HTT: variants seen among roughly 807,000 people sequenced by gnomAD.
The protein encoded by HTT is huntingtin.
HTT carries 104 observed loss-of-function variants against 362.3 expected under a neutral mutation model. The ratio of observed to expected loss-of-function variants is 0.29; its 90% confidence interval spans 0.24 to 0.34. The LOEUF is 0.34. Ranked by LOEUF, HTT falls within the 10% of genes least tolerant of loss-of-function variation. The probability of loss-of-function intolerance (pLI) is 1.00; values close to 1 mark genes in which losing one functional copy is unlikely to be tolerated. For missense variants in HTT, 3,301 were observed against 3,928.6 expected (o/e 0.84, Z 4.27); for synonymous variants, 1,577 against 1,548.7 (o/e 1.02, Z -0.43).
intron 36 of HTT, among the ~76,000 whole-genome samples, 161 bp from the exon 37 acceptor site, chr4:3,182,193 A>G (rs1441055559): frequency 6.6e-6 from 1 of 152,174 alleles, no homozygotes; most frequent in African/African-American, 2.4e-5. Context: ...CTCATGTCAT[A>G]GAGTGGGGGT....
At chr4:3,142,620 C>G (rs1472876276) in intron 22 of HTT, 146 bp from the exon 23 acceptor site, 1 of 488,260 alleles carries the variant, frequency 2.0e-6, no homozygotes, top group Non-Finnish European at 3.7e-6. Flanking sequence ...GAATAATGAT[C>G]AAAATTTATT....
Position 3,140,133 on chromosome 4 carries a change from C to T in HTT, c.2799-377C>T, listed in dbSNP as rs548703091. Among the ~76,000 whole-genome samples the T allele has an allele frequency of 5.3e-5, 8 of 152,014 alleles. No homozygotes were observed. In the East Asian group the frequency reaches 5.8e-4, roughly 11 times the overall value. On this transcript the variant is annotated intron_variant, in intron 21 of 66. Transcript: ENST00000355072. ...AAAATTAGCCGGGCGCGGTGGCAGG[C>T]GCCTGTAATCCCAGCTACTCAGGAG... is the stretch of plus-strand genomic sequence containing the variant.
chr4:3,087,323 T>G lies in HTT; in HGVS notation c.347+301T>G, dbSNP rs557778850. Among the ~76,000 whole-genome samples the G allele has an allele frequency of 6.6e-5, 10 of 152,354 alleles. No homozygotes were observed. The South Asian group carries it at 2.1e-3, about 32-fold the overall frequency. On this transcript the variant is annotated intron_variant, in intron 2 of 66. Transcript: ENST00000355072. ...TAGTTATTTTAAAACCATCTATGGT[T>G]TGATATTTTTGCATTTGTTGCAATA...
intron 29 of HTT, among the ~76,000 whole-genome samples, chr4:3,170,077 T>C (rs1383397885): frequency 6.6e-6 from 1 of 152,234 alleles, no homozygotes; most frequent in Non-Finnish European, 1.5e-5. Flanking sequence ...CTCCTCGTTT[T>C]GGGTTGTATT....
chr4:3,075,140 C>G, intron 1 of HTT, 52 bp downstream of exon 1: 1 of 1,203,100 alleles, frequency 8.3e-7, no homozygotes, highest in East Asian at 3.5e-5. Context: ...CAGGCTACGG[C>G]GGGGATGGCG....
chr4:3,157,434 C>G (rs1386578180), intron 28 of HTT, among the ~76,000 whole-genome samples: 1 of 152,176 alleles, frequency 6.6e-6, no homozygotes, highest in Non-Finnish European at 1.5e-5. Flanking sequence ...AGTGACAGAG[C>G]TAGGATGTGC....
chr4:3,209,623 T>C (rs1337393637), intron 46 of HTT, among the ~76,000 whole-genome samples: 1 of 152,120 alleles, frequency 6.6e-6, no homozygotes, highest in Non-Finnish European at 1.5e-5. Flanking sequence ...AGGGGGAGGC[T>C]GTGAGGGTGC....
intron 21 of HTT, among the ~76,000 whole-genome samples, chr4:3,137,506 C>G (rs942580395): frequency 6.6e-6 from 1 of 152,082 alleles, no homozygotes; most frequent in African/African-American, 2.4e-5. Flanking sequence ...CGAGACCAGC[C>G]TGGCCAACAT....
At position 3,115,323 on chromosome 4, in the gene HTT, T is replaced by C. The variant is rs1936033; in HGVS notation, c.767T>C (p.Ile256Thr). Residue 256 changes from isoleucine (I) to threonine (T), a missense_variant, in exon 7 of 67, where the codon ATA becomes ACA. Transcript: ENST00000355072. ...NEIKVLLKAF[I>T]ANLKSSSPTI... is the part of the protein sequence containing the mutation. ...CCGTAGGTTTTGTTAAAGGCCTTCA[T>C]AGCGAACCTGAAGTCAAGCTCCCCC... 2 of 1,614,220 alleles carry C rather than the reference T, an allele frequency of 1.2e-6. No homozygotes were observed. The highest frequency in any genetic ancestry group is 1.7e-6 in the Non-Finnish European group (2 of 1,180,024).
chr4:3,201,684 AG>A (rs895300998), intron 41 of HTT, among the ~76,000 whole-genome samples: 15 of 152,184 alleles, frequency 9.9e-5, no homozygotes, highest in African/African-American at 4.8e-5. Flanking sequence ...CCGTGGTGGA[AG>A]GAAAAAATAA....
At chr4:3,157,012 T>C in intron 27 of HTT, 60 bp from the exon 28 acceptor site, 1 of 1,428,476 alleles carries the variant, frequency 7.0e-7, no homozygotes, top group South Asian at 1.3e-5. Flanking sequence ...AGTAATCTCT[T>C]TAAAACTTGG....
At chr4:3,123,122 G>A (rs1466320740) in intron 10 of HTT, 186 bp downstream of exon 10, 1 of 418,514 alleles carries the variant, frequency 2.4e-6, no homozygotes. Flanking sequence ...GTTTTGTAGG[G>A]TGGCTTTTAA....
At chr4:3,222,312 T>C in intron 53 of HTT, 75 bp from the exon 54 acceptor site, 1 of 1,267,918 alleles carries the variant, frequency 7.9e-7, no homozygotes, top group East Asian at 2.3e-5. Flanking sequence ...CCGTGCTGTG[T>C]CGGCGTAGCT....
At chr4:3,137,614 A>G (rs745880368) in intron 21 of HTT, among the ~76,000 whole-genome samples, 1 of 152,142 alleles carries the variant, frequency 6.6e-6, no homozygotes, top group Non-Finnish European at 1.5e-5. Flanking sequence ...CAGGAGAATC[A>G]CTTGAACCTG....
chr4:3,213,377 C>A (rs766253843), intron 49 of HTT, among the ~76,000 whole-genome samples: 11 of 152,220 alleles, frequency 7.2e-5, no homozygotes, highest in Non-Finnish European at 1.6e-4. Context: ...AGGGTGATTG[C>A]TGCTGATTAT....
chr4:3,133,366 A>T (rs1430949490), intron 18 of HTT, among the ~76,000 whole-genome samples: 2 of 151,212 alleles, frequency 1.3e-5, no homozygotes, highest in Non-Finnish European at 2.9e-5. Context: ...GGTGGTGCAT[A>T]CCTGTAGTCT....
At chr4:3,150,852 C>T (rs868814394) in intron 26 of HTT, among the ~76,000 whole-genome samples, 7 of 152,074 alleles carry the variant, frequency 4.6e-5, no homozygotes, top group South Asian at 2.1e-4. Flanking sequence ...CCGGCTCACA[C>T]GGTGAAACCC....
At position 3,220,236 on chromosome 4, in the gene HTT, C is replaced by G. The variant is rs781609227; in HGVS notation, c.7297C>G (p.Pro2433Ala). 1.9e-6 allele frequency: 3 copies of G among 1,614,074 alleles called. No homozygotes were observed. In the South Asian group the frequency reaches 3.3e-5, roughly 18 times the overall value. The change falls in exon 53 of 67, where the codon CCT becomes GCT. Residue 2433 changes from proline to alanine, a missense_variant. Pro to Ala is a conservative substitution (Grantham distance 27). Transcript: ENST00000355072. ...KPGGDFGTAFPEIPVEFLQEK... is the reference protein window; with the variant it reads ...KPGGDFGTAFAEIPVEFLQEK... ...GGGAGGGGATTTTGGCACAGCATTCCCTGAGATCCCCGTGGAGTTCCTCCA... is the reference window on the plus strand; with the variant it reads ...GGGAGGGGATTTTGGCACAGCATTCGCTGAGATCCCCGTGGAGTTCCTCCA...
At chr4:3,205,543 A>C (rs1004754146) in intron 42 of HTT, among the ~76,000 whole-genome samples, 2 of 152,184 alleles carry the variant, frequency 1.3e-5, no homozygotes, top group African/African-American at 4.8e-5. Context: ...AAAGATACTA[A>C]TTTTATAAGT....
Sources: allele counts gnomAD v4.1 joint callset (sites outside exome capture counted in the v4.1 genomes callset), GRCh38; gene constraint gnomAD v4.1.1; transcripts MANE v1.5; gene names NCBI Gene and HGNC (gene_info 2026-07-23, HGNC 2026-07-21).